SATB2: variants seen among roughly 807,000 people sequenced by gnomAD.
The protein encoded by SATB2 is DNA-binding protein SATB2.
SATB2 carries 1 observed loss-of-function variant against 73.4 expected under a neutral mutation model. That is an observed-to-expected ratio of 0.01 (90% CI 0.00 to 0.06). The LOEUF is 0.06. Ranked by LOEUF, SATB2 falls within the 10% of genes least tolerant of loss-of-function variation. The pLI is 1.00. For missense variants in SATB2, 459 were observed against 945.8 expected (o/e 0.49, Z 6.75); for synonymous variants, 397 against 367.0 (o/e 1.08, Z -0.93).
chr2:199,335,168 A>C (rs1688300564), intron 7 of SATB2, among the ~76,000 whole-genome samples: 1 of 152,088 alleles, frequency 6.6e-6, no homozygotes, highest in Admixed American at 6.6e-5. Flanking sequence ...CTCAAAGAAA[A>C]TGTCGTTATT....
intron 7 of SATB2, among the ~76,000 whole-genome samples, chr2:199,336,472 C>T (rs1201366867): frequency 2.0e-5 from 3 of 152,126 alleles, no homozygotes; most frequent in Non-Finnish European, 1.5e-5. Flanking sequence ...TAGTACTTTC[C>T]TAAAACAAAA....
intron 9 of SATB2, among the ~76,000 whole-genome samples, chr2:199,316,695 AT>A (rs1687744659): frequency 6.6e-6 from 1 of 152,018 alleles, no homozygotes; most frequent in Non-Finnish European, 1.5e-5. Context: ...ATTACACAAA[AT>A]TTTGTTGCCC....
At chr2:199,312,752 T>A (rs1687629844) in intron 9 of SATB2, among the ~76,000 whole-genome samples, 1 of 152,106 alleles carries the variant, frequency 6.6e-6, no homozygotes, top group South Asian at 2.1e-4. Flanking sequence ...GTCAAATAAC[T>A]AGTGATGATA....
At chr2:199,343,934 A>T (rs959437359) in intron 7 of SATB2, among the ~76,000 whole-genome samples, 1 of 152,232 alleles carries the variant, frequency 6.6e-6, no homozygotes, top group Non-Finnish European at 1.5e-5. Context: ...GCCAAAGAAA[A>T]ATCATTAATC....
intron 3 of SATB2, among the ~76,000 whole-genome samples, chr2:199,407,645 C>A (rs1690675532): frequency 6.6e-6 from 1 of 152,114 alleles, no homozygotes; most frequent in Admixed American, 6.5e-5. Flanking sequence ...CAAAACTACC[C>A]AATTACCCAC....
chr2:199,414,541 C>T (rs750892242), intron 3 of SATB2, among the ~76,000 whole-genome samples: 15 of 152,156 alleles, frequency 9.9e-5, no homozygotes, highest in Non-Finnish European at 4.4e-5. Context: ...AGAGTCCATG[C>T]CAGCACTCTA....
chr2:199,360,299 T>C (rs145854012), intron 6 of SATB2, among the ~76,000 whole-genome samples: 4 of 152,252 alleles, frequency 2.6e-5, no homozygotes, highest in African/African-American at 4.8e-5. Context: ...CCATCACATC[T>C]ATGTTTTTGA....
At position 199,348,909 on chromosome 2, in the gene SATB2, G is replaced by A; in HGVS notation, c.965C>T (p.Ala322Val). ...CTGGTGAGCCAGGAGCCGGCTAACG[G>A]CAATCTGTTGGTTTATCAGATGGGC... ...AMAHLINQQI[A>V]VSRLLAHQHP... Residue 322 changes from alanine (A) to valine (V), a missense_variant, in exon 7 of 11, where the codon GCC becomes GTC. By Grantham distance (64) the Ala-to-Val change is moderately conservative (BLOSUM62 0). Coordinates refer to ENST00000417098, the MANE Select transcript of SATB2 (RefSeq NM_001172509.2). 6.2e-7 allele frequency: 1 copy of A among 1,614,134 alleles called. No individual in the cohort carries two copies. The highest frequency in any genetic ancestry group is 8.5e-7 in the Non-Finnish European group (1 of 1,180,010).
At chr2:199,371,974 C>T (rs957863311) in intron 5 of SATB2, among the ~76,000 whole-genome samples, 5 of 152,048 alleles carry the variant, frequency 3.3e-5, no homozygotes, top group East Asian at 1.9e-4. Flanking sequence ...TGAGGGTACA[C>T]GTATAATGGG....
intron 7 of SATB2, among the ~76,000 whole-genome samples, chr2:199,330,187 AG>A (rs1688147971): frequency 6.6e-6 from 1 of 152,174 alleles, no homozygotes; most frequent in Non-Finnish European, 1.5e-5. Flanking sequence ...TGCTATCTCT[AG>A]TTGTCCAAAA....
At chr2:199,274,448 A>G (rs888635373) in intron 10 of SATB2, among the ~76,000 whole-genome samples, 1 of 152,234 alleles carries the variant, frequency 6.6e-6, no homozygotes, top group African/African-American at 2.4e-5. Context: ...TCAGTCTTTT[A>G]TGTAGAACTT....
chr2:199,345,723 T>G (rs1688632015), intron 7 of SATB2, among the ~76,000 whole-genome samples: 1 of 152,132 alleles, frequency 6.6e-6, no homozygotes, highest in Non-Finnish European at 1.5e-5. Context: ...CTCTGTACAT[T>G]TCACCTGGAT....
At chr2:199,442,896 T>C (rs1691861195) in intron 2 of SATB2, among the ~76,000 whole-genome samples, 1 of 152,156 alleles carries the variant, frequency 6.6e-6, no homozygotes, top group Non-Finnish European at 1.5e-5. Context: ...TACGATAGGT[T>C]AAAAATGCAT....
chr2:199,377,167 A>C (rs1574563323), intron 5 of SATB2, among the ~76,000 whole-genome samples: 1 of 152,120 alleles, frequency 6.6e-6, no homozygotes, highest in Non-Finnish European at 1.5e-5. Flanking sequence ...ATGAGGTCAG[A>C]AGATCGAGAC....
At chr2:199,408,722 G>C (rs892375692) in intron 3 of SATB2, among the ~76,000 whole-genome samples, 1 of 150,584 alleles carries the variant, frequency 6.6e-6, no homozygotes, top group African/African-American at 2.5e-5. Context: ...CATGATCTTA[G>C]TTTCCAAATA....
At chr2:199,444,384 T>G (rs1049117380) in intron 2 of SATB2, among the ~76,000 whole-genome samples, 9 of 152,158 alleles carry the variant, frequency 5.9e-5, no homozygotes, top group African/African-American at 1.2e-4. Flanking sequence ...TGTAAGAGTC[T>G]ACCTTCCTCA....
intron 10 of SATB2, among the ~76,000 whole-genome samples, chr2:199,282,363 T>TA (rs201811342): frequency 2.7e-4 from 41 of 151,862 alleles, no homozygotes; most frequent in African/African-American, 8.7e-4. Context: ...CTTTTCTGTG[T>TA]AAAAAAAAAT....
At chr2:199,371,440 G>A (rs1689443966) in intron 5 of SATB2, among the ~76,000 whole-genome samples, 3 of 151,686 alleles carry the variant, frequency 2.0e-5, no homozygotes, top group South Asian at 4.2e-4. Context: ...TAAAGGTCCT[G>A]GGACACCGAG....
chr2:199,336,172 C>G (rs1472057910), intron 7 of SATB2, among the ~76,000 whole-genome samples: 1 of 152,116 alleles, frequency 6.6e-6, no homozygotes, highest in African/African-American at 2.4e-5. Flanking sequence ...GAATAAGAGG[C>G]TATGCACAAT....
Sources: gnomAD v4.1 joint callset for allele counts (sites outside exome capture counted in the v4.1 genomes callset) on GRCh38, gnomAD v4.1.1 for gene constraint, MANE v1.5 for transcripts, NCBI Gene and HGNC (gene_info 2026-07-23, HGNC 2026-07-21) for gene names.